The following ETNPPL variants were observed in gnomAD, a reference collection of about 807,000 sequenced individuals.
The protein encoded by ETNPPL is alanine--glyoxylate aminotransferase 2-like 1.
ETNPPL carries 30 observed loss-of-function variants against 55.5 expected under a neutral mutation model. The ratio of observed to expected loss-of-function variants is 0.54; its 90% CI spans 0.40 to 0.73. The LOEUF is 0.73. Ranked by LOEUF, ETNPPL falls within the 30% of genes least tolerant of loss-of-function variation. The probability of loss-of-function intolerance (pLI) is 0.00; values close to 1 mark genes in which losing one functional copy is unlikely to be tolerated. For synonymous variants in ETNPPL, 202 were observed against 207.2 expected (o/e 0.98, Z 0.21); for missense variants, 528 against 607.9 (o/e 0.87, Z 1.38).
chr4:108,749,931 T>C (rs1728816330), intron 7 of ETNPPL, among the ~76,000 whole-genome samples: 2 of 152,162 alleles, frequency 1.3e-5, no homozygotes. Context: ...CAGCTGGTAT[T>C]GAATTCCTGG....
intron 3 of ETNPPL, 52 bp from the exon 4 acceptor site, chr4:108,756,544 C>T (rs768536406): frequency 2.1e-6 from 3 of 1,407,908 alleles, no homozygotes; most frequent in South Asian, 1.2e-5. Context: ...CTTTTTAAAA[C>T]ATTTAGGATG....
chr4:108,756,345 A>C, intron 4 of ETNPPL, 73 bp downstream of exon 4: 1 of 979,744 alleles, frequency 1.0e-6, no homozygotes, highest in Non-Finnish European at 1.7e-6. Flanking sequence ...TCATGGTATT[A>C]GTATGGATAG....
chr4:108,753,749 TAAGAAAGAAAGAAAGAAAGA>T (rs758544848), intron 5 of ETNPPL, among the ~76,000 whole-genome samples: 12 of 76,766 alleles, frequency 1.6e-4, no homozygotes, highest in African/African-American at 6.3e-4. Context: ...CTCAAATAAA[TAAGAAAGAAAGAAAGAAAGA>T]AAGAAAGAAA....
chr4:108,760,353 A>C, intron 1 of ETNPPL, 47 bp from the exon 2 acceptor site: 2 of 1,078,646 alleles, frequency 1.9e-6, no homozygotes, highest in Non-Finnish European at 2.8e-6. Context: ...GACTACTCTC[A>C]GTATTTTTCC....
chr4:108,745,783 T>C (rs1728453062), intron 11 of ETNPPL, among the ~76,000 whole-genome samples: 1 of 151,246 alleles, frequency 6.6e-6, no homozygotes, highest in African/African-American at 2.4e-5. Context: ...ATGCAGAAAT[T>C]AGCCCGGCAT....
rs542972176 is a variant in ETNPPL, at chr4:108,749,605, T to C, written c.702-142A>G. ...TTTCTTAAAAAACATTTCAGTACTC[T>C]AAACCCCACATAAATGTCATTGACT... On this transcript the variant is annotated intron_variant, in intron 7 of 12. Coordinates refer to ENST00000296486, the MANE Select transcript of ETNPPL (RefSeq NM_031279.4). 1.8e-5 allele frequency: 11 copies of C among 616,410 alleles called. No homozygotes were observed. The South Asian group carries it at 2.2e-4, about 12-fold the overall frequency. The allele number at this position is 616,410 out of a possible 1,614,324, so 38.2% of individuals were successfully genotyped here.
Position 108,760,216 on chromosome 4 carries a change from G to GTACT in ETNPPL, c.143_146dup (p.Tyr49Ter), listed in dbSNP as rs764832748. 6.2e-7 allele frequency: 1 copy of GTACT among 1,609,314 alleles called. No homozygotes were observed. The highest frequency in any genetic ancestry group is 8.5e-7 in the Non-Finnish European group (1 of 1,175,874). On this transcript the variant is annotated stop_gained and frameshift_variant, in exon 2 of 13. Transcript: ENST00000296486. LOFTEE classifies it high-confidence loss of function. ...GGGCAACATTGTTGATGCAGTCCAA[G>GTACT]TACTGTTCACCGTTCTCATCAAACA...
At chr4:108,745,815 C>T (rs938960290) in intron 11 of ETNPPL, among the ~76,000 whole-genome samples, 8 of 149,300 alleles carry the variant, frequency 5.4e-5, no homozygotes, top group Middle Eastern at 3.5e-3. Context: ...CCTGTAATCC[C>T]GGATACCTGG....
intron 4 of ETNPPL, among the ~76,000 whole-genome samples, chr4:108,755,586 G>A (rs1210991091): frequency 6.6e-6 from 1 of 152,216 alleles, no homozygotes; most frequent in African/African-American, 2.4e-5. Context: ...GGGGGCTGAG[G>A]CGGGTGGATC....
At chr4:108,751,129 A>G (rs1728894519) in intron 6 of ETNPPL, 111 bp from the exon 7 acceptor site, 1 of 604,430 alleles carries the variant, frequency 1.7e-6, no homozygotes, top group Non-Finnish European at 2.9e-6. Flanking sequence ...ATAGACCTGT[A>G]GCAAGTGGCA....
intron 11 of ETNPPL, among the ~76,000 whole-genome samples, chr4:108,745,323 G>A (rs922221575): frequency 6.6e-6 from 1 of 152,144 alleles, no homozygotes; most frequent in Non-Finnish European, 1.5e-5. Flanking sequence ...AAGGCCGGGT[G>A]CAGTGGCTCA....
intron 4 of ETNPPL, 62 bp from the exon 5 acceptor site, chr4:108,754,772 A>G: frequency 2.0e-6 from 2 of 1,002,494 alleles, no homozygotes; most frequent in South Asian, 1.4e-5. Flanking sequence ...ATTTTCAAGT[A>G]TATGAAAACC....
At chr4:108,758,165 T>C (rs761501323) in intron 3 of ETNPPL, among the ~76,000 whole-genome samples, 5 of 151,932 alleles carry the variant, frequency 3.3e-5, no homozygotes, top group Non-Finnish European at 7.4e-5. Context: ...CTAATTTTTG[T>C]ATTTTTAGTA....
At position 108,742,517 on chromosome 4, in the gene ETNPPL, T is replaced by C. The variant is rs140447392; in HGVS notation, c.1467A>G (p.Thr489=). The C allele has an allele frequency of 5.6e-6, 9 of 1,614,160 alleles. No individual in the cohort carries two copies. Among genetic ancestry groups the C allele is most frequent in the Non-Finnish European group, 7.6e-6 (9 of 1,180,010 alleles). ...SRKRNGMCTD[T]HSLLSKRLKT ...TGAGCCTCTTACTGAGCAGTGAATG[T>C]GTATCCGTGCACATTCCATTTCTCT... is the stretch of plus-strand genomic sequence containing the variant. The change falls in exon 13 of 13, where the codon ACA becomes ACG. Residue 489 remains threonine, a synonymous_variant. Transcript: ENST00000296486.
At chr4:108,756,351 G>T in intron 4 of ETNPPL, 67 bp downstream of exon 4, 1 of 1,078,434 alleles carries the variant, frequency 9.3e-7, no homozygotes, top group Non-Finnish European at 1.4e-6. Context: ...TATTAGTATG[G>T]ATAGGATCAA....
chr4:108,748,335 C>G (rs1728724101), intron 8 of ETNPPL, among the ~76,000 whole-genome samples, 176 bp from the exon 9 acceptor site: 1 of 152,132 alleles, frequency 6.6e-6, no homozygotes, highest in African/African-American at 2.4e-5. Context: ...ATATTCAGGA[C>G]TGAGTGAAAA....
chr4:108,745,780 A>C (rs1006273392), intron 11 of ETNPPL, among the ~76,000 whole-genome samples: 2 of 151,038 alleles, frequency 1.3e-5, no homozygotes, highest in Admixed American at 6.6e-5. Context: ...AAAATGCAGA[A>C]ATTAGCCCGG....
chr4:108,749,183 T>A, intron 8 of ETNPPL, 55 bp downstream of exon 8: 1 of 1,398,516 alleles, frequency 7.2e-7, no homozygotes, highest in South Asian at 1.2e-5. Flanking sequence ...GCAAAAAATA[T>A]AAGAACATGC....
At chr4:108,753,805 A>AAAGAAAGAAAGAAAG (rs778871409) in intron 5 of ETNPPL, among the ~76,000 whole-genome samples, 16 of 117,486 alleles carry the variant, frequency 1.4e-4, no homozygotes, top group African/African-American at 3.4e-4. Context: ...AGAAAGAAAG[A>AAAGAAAGAAAGAAAG]AAAGAGAAGA....
Sources: allele counts gnomAD v4.1 joint callset (sites outside exome capture counted in the v4.1 genomes callset), GRCh38; gene constraint gnomAD v4.1.1; transcripts MANE v1.5; gene names NCBI Gene and HGNC (gene_info 2026-07-23, HGNC 2026-07-21).